KAZN: variants seen among roughly 807,000 people sequenced by gnomAD.
The protein encoded by KAZN is kazrin, periplakin interacting protein, also known as kazrin.
KAZN carries 40 observed loss-of-function variants against 87.4 expected under a neutral mutation model. The ratio of observed to expected loss-of-function variants is 0.46; its 90% confidence interval spans 0.36 to 0.60. The LOEUF (loss-of-function observed/expected upper bound fraction) is 0.60, where lower values mean the gene tolerates loss of function less well. KAZN is among the 20% of genes least tolerant of loss of function. The pLI is 0.00. For synonymous variants in KAZN, 466 were observed against 458.3 expected, an observed-to-expected ratio of 1.02 and a Z score of -0.22; for missense variants, 898 against 1,073.9, an observed-to-expected ratio of 0.84 and a Z score of 2.29.
At chr1:14,782,542 C>T (rs1222182550) in intron 1 of KAZN, among the ~76,000 whole-genome samples, 2 of 127,424 alleles carry the variant, frequency 1.6e-5, no homozygotes, top group African/African-American at 6.2e-5. Flanking sequence ...GGCAAGACTC[C>T]ACCTCAAAGA....
intron 2 of KAZN, among the ~76,000 whole-genome samples, chr1:14,365,167 C>G (rs12568579): frequency 0.13 from 19,743 of 151,974 alleles, 1,471 homozygotes; most frequent in East Asian, 0.29. Flanking sequence ...CCTCAGCCTC[C>G]CGAGTAGCTG....
chr1:14,328,777 C>T (rs1656632733), intron 2 of KAZN, among the ~76,000 whole-genome samples: 1 of 144,174 alleles, frequency 6.9e-6, no homozygotes, highest in African/African-American at 2.6e-5. Flanking sequence ...AAAAAGCCCT[C>T]CAGATTCTAT....
chr1:14,575,214 G>C (rs1441092075), intron 2 of KAZN, among the ~76,000 whole-genome samples: 1 of 151,898 alleles, frequency 6.6e-6, no homozygotes, highest in Non-Finnish European at 1.5e-5. Context: ...AGATAAGAGT[G>C]GGGTAGTAGT....
At chr1:13,929,047 C>CTTTTTTTTTTTT in intron 1 of KAZN, among the ~76,000 whole-genome samples, 1 of 101,540 alleles carries the variant, frequency 9.8e-6, no homozygotes, top group Non-Finnish European at 1.9e-5. Context: ...AGCTTCAAGG[C>CTTTTTTTTTTTT]TTTTTTTTTT....
At chr1:14,546,864 A>G (rs1228319692) in intron 2 of KAZN, among the ~76,000 whole-genome samples, 1 of 152,148 alleles carries the variant, frequency 6.6e-6, no homozygotes, top group East Asian at 1.9e-4. Flanking sequence ...CCTTGAAAAC[A>G]TTGTAACTGA....
intron 1 of KAZN, among the ~76,000 whole-genome samples, chr1:14,171,472 T>C (rs1645952794): frequency 1.3e-5 from 2 of 150,092 alleles, no homozygotes; most frequent in South Asian, 2.1e-4. Context: ...ACTTATAGGA[T>C]GAGTTTTATT....
At chr1:15,090,122 A>G (rs1640464068) in intron 8 of KAZN, among the ~76,000 whole-genome samples, 3 of 152,208 alleles carry the variant, frequency 2.0e-5, no homozygotes, top group Admixed American at 2.0e-4. Flanking sequence ...AGATATTCTC[A>G]TTATTCCCAT....
intron 13 of KAZN, among the ~76,000 whole-genome samples, chr1:15,104,571 C>A (rs554975247): frequency 1.4e-4 from 22 of 152,230 alleles, no homozygotes; most frequent in African/African-American, 5.1e-4. Context: ...CCAGGTGGGG[C>A]AACTGTGGGG....
chr1:14,770,517 C>T (rs570533797), intron 1 of KAZN, among the ~76,000 whole-genome samples: 1 of 152,188 alleles, frequency 6.6e-6, no homozygotes, highest in South Asian at 2.1e-4. Flanking sequence ...ATAAGGAACA[C>T]GGGTGGTTCT....
At chr1:14,013,589 A>G (rs544915115) in intron 1 of KAZN, among the ~76,000 whole-genome samples, 1 of 152,330 alleles carries the variant, frequency 6.6e-6, no homozygotes, top group African/African-American at 2.4e-5. Flanking sequence ...TGTATCTCAG[A>G]GAAAGGCACC....
intron 2 of KAZN, among the ~76,000 whole-genome samples, chr1:14,342,812 G>A (rs779757191): frequency 7.2e-5 from 11 of 152,132 alleles, no homozygotes; most frequent in Non-Finnish European, 1.3e-4. Context: ...TGTCCTTATC[G>A]GATGAGGTTT....
At chr1:14,963,002 G>T (rs570122476) in intron 2 of KAZN, among the ~76,000 whole-genome samples, 2 of 151,420 alleles carry the variant, frequency 1.3e-5, no homozygotes, top group African/African-American at 4.9e-5. Context: ...TTTGCAGGAG[G>T]TTGTGAGAAT....
At chr1:14,471,007 A>G (rs1348626150) in intron 2 of KAZN, among the ~76,000 whole-genome samples, 1 of 152,184 alleles carries the variant, frequency 6.6e-6, no homozygotes, top group Non-Finnish European at 1.5e-5. Flanking sequence ...CAATGTCCAC[A>G]TGAGTGAGCT....
intron 2 of KAZN, among the ~76,000 whole-genome samples, chr1:14,420,451 C>T (rs929133888): frequency 6.6e-6 from 1 of 152,176 alleles, no homozygotes; most frequent in Non-Finnish European, 1.5e-5. Flanking sequence ...ACCGGAGCCA[C>T]GGGGGGAGCT....
intron 2 of KAZN, among the ~76,000 whole-genome samples, chr1:14,455,458 G>A (rs185412248): frequency 4.6e-5 from 7 of 152,272 alleles, no homozygotes; most frequent in Admixed American, 1.3e-4. Flanking sequence ...TGGAGGCTGC[G>A]TTTGTTAAAT....
At chr1:14,429,214 G>A (rs1204186653) in intron 2 of KAZN, among the ~76,000 whole-genome samples, 1 of 152,140 alleles carries the variant, frequency 6.6e-6, no homozygotes, top group Non-Finnish European at 1.5e-5. Flanking sequence ...GAATAGCAGG[G>A]TGAAATCCCA....
At chr1:13,989,752 C>G (rs912057702) in intron 1 of KAZN, among the ~76,000 whole-genome samples, 2 of 152,224 alleles carry the variant, frequency 1.3e-5, no homozygotes, top group Admixed American at 1.3e-4. Flanking sequence ...ATCCAGTGAC[C>G]ACAGGCCCTT....
intron 2 of KAZN, among the ~76,000 whole-genome samples, chr1:14,271,585 T>C (rs1472040171): frequency 1.3e-5 from 2 of 152,244 alleles, no homozygotes; most frequent in African/African-American, 4.8e-5. Context: ...TATTGTATAT[T>C]CTGTCTATTT....
At chr1:14,434,556 G>A (rs1355876413) in intron 2 of KAZN, among the ~76,000 whole-genome samples, 1 of 152,230 alleles carries the variant, frequency 6.6e-6, no homozygotes, top group Non-Finnish European at 1.5e-5. Context: ...AGACGATGCA[G>A]CAGGCCCTGG....
Sources: allele counts gnomAD v4.1 joint callset (sites outside exome capture counted in the v4.1 genomes callset), GRCh38; gene constraint gnomAD v4.1.1; transcripts MANE v1.5; gene names NCBI Gene and HGNC (gene_info 2026-07-23, HGNC 2026-07-21).